MELK: variants seen among roughly 807,000 people sequenced by gnomAD.
MELK encodes maternal embryonic leucine zipper kinase, also known as pEg3 kinase.
In MELK, 81 loss-of-function variants were observed where a neutral mutation model predicts 85.0. The ratio of observed to expected loss-of-function variants is 0.95; its 90% CI spans 0.80 to 1.15. The LOEUF (loss-of-function observed/expected upper bound fraction) is 1.15, where lower values mean the gene tolerates loss of function less well. Among genes scored for constraint, MELK ranks in the 50% most tolerant of loss-of-function variants. The probability of loss-of-function intolerance (pLI) is 0.00; values close to 1 mark genes in which losing one functional copy is unlikely to be tolerated. For synonymous variants in MELK, 252 were observed against 265.0 expected, an observed-to-expected ratio of 0.95 and a Z score of 0.48; for missense variants, 754 against 777.5, an observed-to-expected ratio of 0.97 and a Z score of 0.36.
At chr9:36,663,090 T>C (rs964615327) in intron 13 of MELK, among the ~76,000 whole-genome samples, 1 of 152,064 alleles carries the variant, frequency 6.6e-6, no homozygotes, top group East Asian at 1.9e-4. Context: ...CTTTTTTTTT[T>C]TCTTTTTGAG....
chr9:36,632,051 T>C (rs570964325), intron 9 of MELK, among the ~76,000 whole-genome samples: 4 of 152,348 alleles, frequency 2.6e-5, no homozygotes, highest in Non-Finnish European at 5.9e-5. Flanking sequence ...CCCTGTTACC[T>C]AGTGCAGTGG....
At chr9:36,573,617 T>A (rs1821318630) in intron 1 of MELK, among the ~76,000 whole-genome samples, 1 of 152,180 alleles carries the variant, frequency 6.6e-6, no homozygotes, top group South Asian at 2.1e-4. Flanking sequence ...GCGATTCTTC[T>A]GCCTCAGCCT....
chr9:36,583,755 G>A (rs1822518612), intron 3 of MELK, 43 bp downstream of exon 3: 1 of 1,389,116 alleles, frequency 7.2e-7, no homozygotes, highest in Admixed American at 1.8e-5. Context: ...TTATAGATCA[G>A]TTTCGTGAAT....
intron 8 of MELK, among the ~76,000 whole-genome samples, chr9:36,613,903 A>G (rs886914495): frequency 6.6e-6 from 1 of 152,016 alleles, no homozygotes. Flanking sequence ...CATTTTTTCT[A>G]CGTGAAATGG....
At chr9:36,612,359 T>G (rs778129252) in intron 8 of MELK, among the ~76,000 whole-genome samples, 6 of 151,316 alleles carry the variant, frequency 4.0e-5, no homozygotes, top group Non-Finnish European at 7.4e-5. Flanking sequence ...CCTTCCAAAA[T>G]GCTGGGATTA....
At chr9:36,574,543 C>T (rs1048222698) in intron 1 of MELK, among the ~76,000 whole-genome samples, 2 of 151,448 alleles carry the variant, frequency 1.3e-5, no homozygotes, top group Non-Finnish European at 2.9e-5. Context: ...GCGGAGGTTG[C>T]GGTGAGCCGA....
intron 8 of MELK, among the ~76,000 whole-genome samples, chr9:36,621,191 G>C (rs145744631): frequency 1.4e-5 from 2 of 144,602 alleles, no homozygotes; most frequent in East Asian, 4.3e-4. Context: ...AGAATTGCTT[G>C]AACCTGGGAG....
intron 7 of MELK, among the ~76,000 whole-genome samples, chr9:36,605,893 C>T (rs183548606): frequency 6.7e-6 from 1 of 149,606 alleles, no homozygotes; most frequent in East Asian, 1.9e-4. Context: ...GCAAATGTTG[C>T]AGTGAGCTGA....
At chr9:36,653,552 A>G (rs184562414) in intron 12 of MELK, among the ~76,000 whole-genome samples, 17 of 152,310 alleles carry the variant, frequency 1.1e-4, no homozygotes, top group Admixed American at 8.5e-4. Flanking sequence ...TGTATTTCCC[A>G]TGGCTTAAAA....
intron 3 of MELK, 101 bp downstream of exon 3, chr9:36,583,813 AT>A (rs780943639): frequency 5.1e-6 from 4 of 779,896 alleles, no homozygotes; most frequent in Non-Finnish European, 8.0e-6. Flanking sequence ...TTAGAATAAT[AT>A]TTTTATACCT....
In MELK at chr9:36,630,325, G is replaced by T; in HGVS notation, c.693G>T (p.Trp231Cys). The change falls in exon 9 of 18, where the codon TGG (tryptophan) becomes TGT (cysteine). Residue 231 changes from tryptophan (W) to cysteine (C), a missense_variant. Physicochemically the swap from Trp to Cys is radical, Grantham distance 215. Transcript: ENST00000298048. ...GAGGAAAATATGATGTTCCCAAGTG[G>T]CTCTCTCCCAGTAGCATTCTGCTTC... ...IMRGKYDVPK[W>C]LSPSSILLLQ... 1 of 1,610,912 alleles carries T rather than the reference G, an allele frequency of 6.2e-7. No individual in the cohort carries two copies.
intron 2 of MELK, among the ~76,000 whole-genome samples, chr9:36,582,327 G>A (rs1413731080): frequency 6.6e-6 from 1 of 152,106 alleles, no homozygotes; most frequent in African/African-American, 2.4e-5. Context: ...TGAGTTAAGG[G>A]GTAATTTGAC....
At chr9:36,662,431 A>G (rs1831944500) in intron 13 of MELK, among the ~76,000 whole-genome samples, 2 of 151,946 alleles carry the variant, frequency 1.3e-5, no homozygotes, top group Non-Finnish European at 1.5e-5. Flanking sequence ...TTTAGTAGAG[A>G]CAGGGTTTCA....
At chr9:36,617,871 G>A (rs1827003688) in intron 8 of MELK, among the ~76,000 whole-genome samples, 1 of 152,122 alleles carries the variant, frequency 6.6e-6, no homozygotes, top group Admixed American at 6.5e-5. Context: ...CGTGCCTGTA[G>A]TCCCAGCACT....
chr9:36,672,836 C>G (rs1452186604), intron 16 of MELK, among the ~76,000 whole-genome samples: 1 of 152,188 alleles, frequency 6.6e-6, no homozygotes. Context: ...TTTTACCACC[C>G]ATGTATAGAC....
In MELK at chr9:36,651,693, T is replaced by G. The variant is rs1464608112; in HGVS notation, c.922-53T>G. 51 of 1,577,456 alleles carry G rather than the reference T, an allele frequency of 3.2e-5. 1 individual carries two copies. The Admixed American group carries it at 8.8e-4, about 27-fold the overall frequency. On this transcript the variant is annotated intron_variant, in intron 11 of 17. Coordinates refer to ENST00000298048, the MANE Select transcript of MELK (RefSeq NM_014791.4). The stretch of plus-strand genomic sequence containing the variant: ...AAAAAAATTAATTAAAGATAGAACA[T>G]CATTTCCACAAACAAGTAATCTTCT...
intron 3 of MELK, among the ~76,000 whole-genome samples, chr9:36,588,701 A>T (rs758652519): frequency 6.6e-6 from 1 of 151,938 alleles, no homozygotes; most frequent in Non-Finnish European, 1.5e-5. Context: ...TTTATAATGA[A>T]GTTTTACTTG....
chr9:36,585,432 G>A (rs1464307018), intron 3 of MELK, among the ~76,000 whole-genome samples: 2 of 149,676 alleles, frequency 1.3e-5, no homozygotes, highest in East Asian at 2.0e-4. Context: ...TCAGCCACCT[G>A]AGTAGCTGGT....
At chr9:36,625,118 G>A (rs1049044009) in intron 8 of MELK, among the ~76,000 whole-genome samples, 1 of 152,066 alleles carries the variant, frequency 6.6e-6, no homozygotes, top group Non-Finnish European at 1.5e-5. Context: ...AGCAGCAAAC[G>A]GCTTTGCAAA....
Sources: allele counts gnomAD v4.1 joint callset (sites outside exome capture counted in the v4.1 genomes callset), GRCh38; gene constraint gnomAD v4.1.1; transcripts MANE v1.5; gene names NCBI Gene and HGNC (gene_info 2026-07-23, HGNC 2026-07-21).